The following CBR4 variants were observed in gnomAD, a reference collection of about 807,000 sequenced individuals.
CBR4 encodes the protein carbonyl reductase 4.
Under a neutral mutation model 21.0 loss-of-function variants are expected in CBR4, and 22 were observed. The observed-to-expected ratio is 1.05, with a 90% CI of 0.75 to 1.50. The LOEUF is 1.50. CBR4 is among the 40% of genes most tolerant of loss of function. The probability of loss-of-function intolerance (pLI) is 0.00; values close to 1 mark genes in which losing one functional copy is unlikely to be tolerated. For synonymous variants in CBR4, 100 were observed against 104.4 expected (o/e 0.96, Z 0.26); for missense variants, 302 against 286.3 (o/e 1.05, Z -0.40).
chr4:168,970,850 A>ATG (rs33958979), intron 2 of CBR4, among the ~76,000 whole-genome samples: 1 of 151,712 alleles, frequency 6.6e-6, no homozygotes, highest in Non-Finnish European at 1.5e-5. Context: ...ATATATATAT[A>ATG]CCACATTTTC....
intron 2 of CBR4, among the ~76,000 whole-genome samples, chr4:168,944,333 C>T (rs989069923): frequency 1.3e-5 from 2 of 151,686 alleles, no homozygotes; most frequent in Non-Finnish European, 2.9e-5. Flanking sequence ...ATTAGCCAGG[C>T]GTGGGCCTGG....
intron 4 of CBR4, among the ~76,000 whole-genome samples, chr4:168,999,547 G>A (rs1730228527): frequency 6.6e-6 from 1 of 150,620 alleles, no homozygotes; most frequent in Non-Finnish European, 1.5e-5. Flanking sequence ...AAATTGCACT[G>A]GAAATCCATA....
chr4:168,916,255 T>C (rs1760066118), intron 2 of CBR4, among the ~76,000 whole-genome samples: 1 of 151,988 alleles, frequency 6.6e-6, no homozygotes, highest in Non-Finnish European at 1.5e-5. Context: ...CTACCAAAAA[T>C]ACAAAAGTTA....
At position 168,988,752 on chromosome 4, in the gene CBR4, A is replaced by C. The variant is rs574927517; in HGVS notation, c.*1398T>G. 9.3e-6 allele frequency: 9 copies of C among 963,254 alleles called. No homozygotes were observed. The Admixed American group carries it at 3.7e-4, about 39-fold the overall frequency. The allele number at this position is 963,254 out of a possible 1,614,324, so 59.7% of individuals were successfully genotyped here. ...CTCATATCCTGAGATTAATCTAAGA[A>C]AACTATTTCAAAGATAAATTTAAAA... On this transcript the variant is annotated 3_prime_UTR_variant, in exon 5 of 5. Coordinates refer to ENST00000306193, the MANE Select transcript of CBR4 (RefSeq NM_032783.5).
At chr4:168,991,835 T>C (rs560781740) in intron 4 of CBR4, among the ~76,000 whole-genome samples, 7 of 152,228 alleles carry the variant, frequency 4.6e-5, no homozygotes, top group East Asian at 1.9e-4. Context: ...TCATGAAAAA[T>C]AGATGGACTA....
At chr4:168,966,416 A>G (rs1764033111) in intron 2 of CBR4, among the ~76,000 whole-genome samples, 2 of 150,352 alleles carry the variant, frequency 1.3e-5, no homozygotes, top group South Asian at 4.2e-4. Flanking sequence ...AGTCCCAGCT[A>G]CTCGGGAGGC....
chr4:168,999,582 A>G (rs1730231796), intron 4 of CBR4, among the ~76,000 whole-genome samples: 1 of 150,818 alleles, frequency 6.6e-6, no homozygotes, highest in South Asian at 2.1e-4. Flanking sequence ...ATTATGCTCT[A>G]TAAGGGTTGT....
chr4:168,920,509 A>AG (rs1423725433), intron 2 of CBR4, among the ~76,000 whole-genome samples: 1 of 152,288 alleles, frequency 6.6e-6, no homozygotes, highest in African/African-American at 2.4e-5. Context: ...AGTTGGGGGT[A>AG]GGGGGTAAAA....
intron 2 of CBR4, among the ~76,000 whole-genome samples, chr4:168,951,817 C>T (rs555481495): frequency 5.9e-5 from 9 of 152,306 alleles, no homozygotes; most frequent in African/African-American, 2.2e-4. Flanking sequence ...TTAAAGGTTA[C>T]CTAGTGCTTT....
At chr4:168,939,695 C>T (rs1212447915) in intron 2 of CBR4, among the ~76,000 whole-genome samples, 2 of 152,042 alleles carry the variant, frequency 1.3e-5, no homozygotes, top group African/African-American at 4.8e-5. Flanking sequence ...GCAATTGCTA[C>T]AAAGAGAATA....
intron 2 of CBR4, among the ~76,000 whole-genome samples, chr4:168,952,442 G>A (rs1359970073): frequency 6.6e-6 from 1 of 152,018 alleles, no homozygotes. Context: ...TCTTGGTTTG[G>A]ATCCATTGCT....
chr4:168,994,847 C>T (rs1025361090), intron 4 of CBR4, among the ~76,000 whole-genome samples: 1 of 151,024 alleles, frequency 6.6e-6, no homozygotes, highest in Non-Finnish European at 1.5e-5. Flanking sequence ...CTCCGCCTCC[C>T]GGGTTCAAAC....
intron 2 of CBR4, among the ~76,000 whole-genome samples, chr4:168,982,253 G>A (rs74801381): frequency 0.024 from 3,586 of 152,214 alleles, 69 homozygotes; most frequent in Non-Finnish European, 0.034. Context: ...ACAAAAAGGA[G>A]CAGGGGTTGC....
At chr4:169,005,774 C>G in intron 3 of CBR4, 1 of 702,478 alleles carries the variant, frequency 1.4e-6, no homozygotes, top group Non-Finnish European at 2.1e-6. Context: ...TCTCATGTCC[C>G]CTTAGTTTAT....
intron 3 of CBR4, among the ~76,000 whole-genome samples, chr4:169,004,126 G>A (rs1730696860): frequency 6.6e-6 from 1 of 151,900 alleles, no homozygotes; most frequent in African/African-American, 2.4e-5. Context: ...AAAAAATAAA[G>A]AAATTGCCAC....
chr4:168,998,213 T>C (rs1285201303), intron 4 of CBR4, among the ~76,000 whole-genome samples: 1 of 152,198 alleles, frequency 6.6e-6, no homozygotes, highest in Admixed American at 6.5e-5. Flanking sequence ...TCTGAAGCCT[T>C]TGCAGTTCCA....
At chr4:168,943,937 C>G (rs868805402) in intron 2 of CBR4, among the ~76,000 whole-genome samples, 5 of 151,564 alleles carry the variant, frequency 3.3e-5, no homozygotes, top group African/African-American at 7.2e-5. Context: ...AAACAAAAAA[C>G]AAAACGCCTC....
intron 2 of CBR4, among the ~76,000 whole-genome samples, chr4:168,925,681 A>AT (rs548559890): frequency 6.6e-6 from 1 of 152,160 alleles, no homozygotes; most frequent in Admixed American, 6.5e-5. Context: ...ATCCATTGAC[A>AT]TAAAAAAAAC....
At chr4:168,984,436 G>A (rs922236002), downstream of CBR4, among the ~76,000 whole-genome samples, 1 of 152,024 alleles carries the variant, frequency 6.6e-6, no homozygotes, top group African/African-American at 2.4e-5. Context: ...AATATTCTAT[G>A]CTCATGGATA....
Sources: gnomAD v4.1 joint callset for allele counts (sites outside exome capture counted in the v4.1 genomes callset) on GRCh38, gnomAD v4.1.1 for gene constraint, MANE v1.5 for transcripts, NCBI Gene and HGNC (gene_info 2026-07-23, HGNC 2026-07-21) for gene names.